Variants in PALD1 observed in about 807,000 individuals in gnomAD.
PALD1 encodes the protein paladin.
A neutral mutation model predicts 96.0 loss-of-function variants in PALD1; 57 were observed. The observed-to-expected ratio is 0.59, with a 90% CI of 0.48 to 0.74. The LOEUF is 0.74. Ranked by LOEUF, PALD1 falls within the 30% of genes least tolerant of loss-of-function variation. PALD1 has a pLI of 0.00. For missense variants in PALD1, 1,063 were observed against 1,143.7 expected, an observed-to-expected ratio of 0.93 and a Z score of 1.02; for synonymous variants, 464 against 473.6, an observed-to-expected ratio of 0.98 and a Z score of 0.26.
intron 18 of PALD1, among the ~76,000 whole-genome samples, chr10:70,555,248 T>A (rs1293113319): frequency 6.6e-6 from 1 of 151,506 alleles, no homozygotes; most frequent in Non-Finnish European, 1.5e-5. Flanking sequence ...GTGCTGGGAT[T>A]ACAGGTGTGA....
In PALD1 at chr10:70,539,164, C is replaced by A; in HGVS notation, c.1642C>A (p.Arg548=). ...GCGGAAGGTTGTCTGGGTGAGCCTT[C>A]GGGAGGAGGCCGTGTTGGAGTGTGA... is the stretch of plus-strand genomic sequence containing the variant. ...RLRKVVWVSL[R]EEAVLECDGH... The change falls in exon 14 of 20, where the codon CGG becomes AGG. Residue 548 remains arginine, a synonymous_variant. Coordinates refer to ENST00000263563, the MANE Select transcript of PALD1 (RefSeq NM_014431.3). The surrounding 1 kb of genome is among the most constrained non-coding windows in gnomAD (Gnocchi z 4.5). The A allele has an allele frequency of 6.2e-7, 1 of 1,613,312 alleles. No homozygotes were observed.
At chr10:70,542,164 C>T (rs12412829) in intron 17 of PALD1, among the ~76,000 whole-genome samples, 23,911 of 152,234 alleles carry the variant, frequency 0.16, 2,304 homozygotes, top group Admixed American at 0.22. Flanking sequence ...AGGCCCTGAC[C>T]GCCATGCAGC....
In PALD1 at chr10:70,568,079, G is replaced by GA. The variant is rs1289024518; in HGVS notation, c.*1350dup. On this transcript the variant is annotated 3_prime_UTR_variant, in exon 20 of 20. Transcript: ENST00000263563. ...AGTTGTTCCCATTTATCCAGTATTG[G>GA]AAAATATTTGACCCCCTTGGCTGAA... 1.3e-5 allele frequency: 2 copies of GA among 152,208 alleles called. No homozygotes were observed. The highest frequency in any genetic ancestry group is 1.3e-4 in the Admixed American group (2 of 15,282). 9.4% of individuals were successfully genotyped at this position (152,208 alleles called of 1,614,324 possible).
Position 70,531,381 on chromosome 10 carries a change from A to C in PALD1, c.560A>C (p.Asn187Thr). 1 of 1,614,004 alleles carries C rather than the reference A, an allele frequency of 6.2e-7. No homozygotes were observed. Among genetic ancestry groups the C allele is most frequent in the Non-Finnish European group, 8.5e-7 (1 of 1,179,928 alleles). The stretch of plus-strand genomic sequence containing the variant: ...TCCTACACACCTCGAGACAAGCAGA[A>C]CCTTCATGAGAACCTCCAGGGCCTT... ...FVSYTPRDKQ[N>T]LHENLQGLGP... The change falls in exon 5 of 20, where the codon AAC becomes ACC. Residue 187 changes from asparagine (N) to threonine (T), a missense_variant. Asn to Thr is a moderately conservative substitution (Grantham distance 65). Transcript: ENST00000263563.
chr10:70,520,116 C>T (rs375919927), intron 1 of PALD1, among the ~76,000 whole-genome samples: 234 of 152,010 alleles, frequency 1.5e-3, no homozygotes, highest in African/African-American at 5.1e-3. Context: ...TCTGGGATTC[C>T]GGCCGGCGGG....
chr10:70,480,388 G>C lies in PALD1; in HGVS notation c.-30+1329G>C, dbSNP rs532899546. 3.8e-3 allele frequency among the ~76,000 whole-genome samples: 585 copies of C among 152,292 alleles called. 1 individual carries two copies. Among genetic ancestry groups the C allele is most frequent in the Non-Finnish European group, 5.5e-3 (375 of 68,026 alleles). ...TTCTGAAGAGCCTCTGTCGCGGGGG[G>C]TTGGGGTAGGTCGGGAGGCTGGCAG... On this transcript the variant is annotated intron_variant, in intron 1 of 19. Coordinates refer to ENST00000263563, the MANE Select transcript of PALD1 (RefSeq NM_014431.3).
chr10:70,530,134 G>A, intron 4 of PALD1, 66 bp downstream of exon 4: 1 of 1,377,214 alleles, frequency 7.3e-7, no homozygotes, highest in Non-Finnish European at 9.8e-7. Flanking sequence ...ACCTTGGAGG[G>A]GCAGCTTTAG....
Position 70,533,031 on chromosome 10 carries a change from C to T in PALD1, c.831C>T (p.Pro277=). Residue 277 remains proline, a synonymous_variant, in exon 7 of 20, where the codon CCC becomes CCT. Coordinates refer to ENST00000263563, the MANE Select transcript of PALD1 (RefSeq NM_014431.3). ...TGCCCCTGCCCGAGCAAGGGAGTCC[C>T]CTGGAGGCCCAGTTGGACGCCTTTG... The part of the protein sequence containing the change: ...HRLPLPEQGS[P]LEAQLDAFVS... 1.3e-6 allele frequency: 2 copies of T among 1,586,818 alleles called. No homozygotes were observed. The highest frequency in any genetic ancestry group is 1.7e-6 in the Non-Finnish European group (2 of 1,166,198).
chr10:70,516,917 A>C (rs1846631084), intron 1 of PALD1, among the ~76,000 whole-genome samples: 1 of 151,968 alleles, frequency 6.6e-6, no homozygotes, highest in African/African-American at 2.4e-5. Flanking sequence ...AGTCTTCAGA[A>C]TCCGGTATGT....
At chr10:70,512,756 T>C (rs887437098) in intron 1 of PALD1, among the ~76,000 whole-genome samples, 5 of 152,348 alleles carry the variant, frequency 3.3e-5, no homozygotes, top group African/African-American at 9.6e-5. Context: ...TGTCTCCTTG[T>C]AGCCCACAAG....
intron 18 of PALD1, among the ~76,000 whole-genome samples, chr10:70,556,278 A>ACCTCCCTGTCTC (rs766158877): frequency 1.7e-4 from 7 of 40,184 alleles, no homozygotes; most frequent in African/African-American, 1.2e-3. Context: ...AGTAGCCGAG[A>ACCTCCCTGTCTC]CCTCTCTCTC....
intron 10 of PALD1, among the ~76,000 whole-genome samples, chr10:70,535,117 C>T (rs1001491783): frequency 1.3e-5 from 2 of 152,206 alleles, no homozygotes; most frequent in Non-Finnish European, 2.9e-5. Context: ...GCAGGGGCCC[C>T]TGGACTCAGA....
intron 10 of PALD1, among the ~76,000 whole-genome samples, chr10:70,535,568 T>G (rs906154521): frequency 7.2e-6 from 1 of 138,636 alleles, no homozygotes; most frequent in African/African-American, 2.9e-5. Context: ...CCTCCTTCTC[T>G]TCCTTCCTCC....
At chr10:70,458,946 G>T in the PALD1 span, among the ~76,000 whole-genome samples, 3 of 152,230 alleles carry the variant, frequency 2.0e-5, no homozygotes, top group African/African-American at 7.2e-5. Flanking sequence ...GTCAGGATGG[G>T]CCCCGCACAC....
rs116988475 is a variant in PALD1 at position 70,562,096 on chromosome 10, A to G, written c.2263-2268A>G. Among the ~76,000 whole-genome samples the G allele has an allele frequency of 7.1e-3, 1,078 of 152,278 alleles. 9 individuals carry two copies. The highest frequency in any genetic ancestry group is 0.012 in the Non-Finnish European group (836 of 68,016). On this transcript the variant is annotated intron_variant, in intron 18 of 19. Transcript: ENST00000263563. ...GTGCACACGTGCCTTCTCATCCCTC[A>G]CTTTGCTGAGAAATCCTACTTCCAT...
chr10:70,526,384 C>CGGA (rs10674169), intron 2 of PALD1, among the ~76,000 whole-genome samples: 23,775 of 152,186 alleles, frequency 0.16, 2,258 homozygotes, highest in Admixed American at 0.22. Context: ...TGGGGGAATG[C>CGGA]GGAGGAGGAG....
intron 1 of PALD1, among the ~76,000 whole-genome samples, chr10:70,522,315 C>T (rs1323096819): frequency 6.6e-6 from 1 of 152,160 alleles, no homozygotes; most frequent in African/African-American, 2.4e-5. Context: ...TAGGATTCTC[C>T]AAGCTTGTTG....
intron 1 of PALD1, among the ~76,000 whole-genome samples, chr10:70,498,718 G>A (rs1846238657): frequency 6.6e-6 from 1 of 152,092 alleles, no homozygotes; most frequent in Non-Finnish European, 1.5e-5. Flanking sequence ...CCTGAGGTCA[G>A]GAGTTTGAGA....
At chr10:70,515,156 C>T (rs1245083972) in intron 1 of PALD1, among the ~76,000 whole-genome samples, 2 of 151,840 alleles carry the variant, frequency 1.3e-5, no homozygotes, top group African/African-American at 4.8e-5. Context: ...CCTCTTGGAT[C>T]AGATTCAAAA....
Sources: gnomAD v4.1 joint callset for allele counts (sites outside exome capture counted in the v4.1 genomes callset) on GRCh38, gnomAD v4.1.1 for gene constraint, Gnocchi (gnomAD v3.1) non-coding constraint, MANE v1.5 for transcripts, NCBI Gene and HGNC (gene_info 2026-07-23, HGNC 2026-07-21) for gene names.